Variants in FGF13 observed in about 807,000 individuals in gnomAD.
The protein encoded by FGF13 is fibroblast growth factor 13.
Under a neutral mutation model 19.5 loss-of-function variants are expected in FGF13, and 2 were observed. That is an observed-to-expected ratio of 0.10 (90% CI 0.04 to 0.32). The LOEUF (loss-of-function observed/expected upper bound fraction) is 0.32, where lower values mean the gene tolerates loss of function less well. Among genes scored for constraint, FGF13 ranks in the 10% least tolerant of loss-of-function variants. FGF13 has a pLI of 1.00. For synonymous variants in FGF13, 72 were observed against 76.9 expected (o/e 0.94, Z 0.33); for missense variants, 113 against 192.7 (o/e 0.59, Z 2.45).
At position 138,857,733 on chromosome X, in the gene FGF13, G is replaced by A. The variant is rs1046109518; in HGVS notation, c.-38-54C>T. ...CAAGTTAGAGCCTCAGAAAAGCAGC[G>A]AATGTCTTAAATCAAATATACTCCC... On this transcript the variant is annotated intron_variant, in intron 2 of 2. Transcript: ENST00000421460. The A allele has an allele frequency of 1.1e-5, 11 of 990,886 alleles. No homozygotes were observed. In the Admixed American group the frequency reaches 1.9e-4, roughly 17 times the overall value. 81.7% of individuals were successfully genotyped at this position (990,886 alleles called of 1,213,427 possible).
At chrX:139,140,919 A>G (rs892851945) in intron 1 of FGF13, among the ~76,000 whole-genome samples, 1 of 109,737 alleles carries the variant, frequency 9.1e-6, no homozygotes, top group African/African-American at 3.3e-5. Flanking sequence ...CCTTTCTCCT[A>G]AGGGCCTTGT....
intron 1 of FGF13, among the ~76,000 whole-genome samples, chrX:138,876,130 C>A (rs2091388105): frequency 9.0e-6 from 1 of 111,472 alleles, no homozygotes; most frequent in Non-Finnish European, 1.9e-5. Flanking sequence ...ATTTCTTTTA[C>A]CAAGTTTGAC....
chrX:138,815,663 C>A (rs2090956637), intron 3 of FGF13, among the ~76,000 whole-genome samples: 1 of 109,901 alleles, frequency 9.1e-6, no homozygotes, highest in African/African-American at 3.3e-5. Context: ...ACAATGGACA[C>A]CATTTAGGAA....
intron 1 of FGF13, among the ~76,000 whole-genome samples, chrX:139,125,340 C>T (rs1389119456): frequency 2.7e-5 from 3 of 112,118 alleles, no homozygotes; most frequent in East Asian, 2.8e-4. Flanking sequence ...AATAAAAAGA[C>T]GTTCAGCTCT....
At chrX:138,957,173 T>C (rs997720540) in intron 1 of FGF13, among the ~76,000 whole-genome samples, 5 of 111,864 alleles carry the variant, frequency 4.5e-5, no homozygotes, top group Middle Eastern at 4.6e-3. Context: ...ACACAGTCTC[T>C]TCAAACAGGA....
At chrX:138,904,070 T>A (rs750933056) in intron 1 of FGF13, among the ~76,000 whole-genome samples, 1 of 112,103 alleles carries the variant, frequency 8.9e-6, no homozygotes, top group Non-Finnish European at 1.9e-5. Flanking sequence ...GCAGATATGA[T>A]TGTTCTGCCT....
At chrX:139,133,335 G>T (rs2083774278) in intron 1 of FGF13, among the ~76,000 whole-genome samples, 2 of 98,382 alleles carry the variant, frequency 2.0e-5, no homozygotes, top group African/African-American at 7.7e-5. Flanking sequence ...ACTCAAGCTG[G>T]GACCACGTGA....
At chrX:139,052,385 T>C (rs2092305410) in intron 1 of FGF13, among the ~76,000 whole-genome samples, 3 of 112,486 alleles carry the variant, frequency 2.7e-5, no homozygotes, top group South Asian at 3.7e-4. Flanking sequence ...AATTTAACCA[T>C]GTCACTGCAG....
At chrX:138,994,623 G>A (rs999753388) in intron 1 of FGF13, among the ~76,000 whole-genome samples, 1 of 111,029 alleles carries the variant, frequency 9.0e-6, no homozygotes, top group Non-Finnish European at 1.9e-5. Flanking sequence ...TATAGTGTGT[G>A]TTTTCATTTA....
At chrX:139,084,627 C>T (rs1375747794) in intron 1 of FGF13, among the ~76,000 whole-genome samples, 1 of 108,170 alleles carries the variant, frequency 9.2e-6, no homozygotes, top group African/African-American at 3.6e-5. Context: ...GCCAAAATTA[C>T]TTCAGTCCAT....
chrX:139,157,518 T>A, intron 1 of FGF13, among the ~76,000 whole-genome samples: 1 of 112,427 alleles, frequency 8.9e-6, no homozygotes, highest in Admixed American at 9.4e-5. Flanking sequence ...AGCTCTCTTG[T>A]TCTTCCCTTC....
intron 1 of FGF13, among the ~76,000 whole-genome samples, chrX:138,987,604 G>T (rs1487400057): frequency 8.9e-6 from 1 of 112,148 alleles, no homozygotes; most frequent in Non-Finnish European, 1.9e-5. Context: ...TCAGATAGTA[G>T]ATAAAGTTCT....
At chrX:139,033,050 A>AAAAC (rs2092235608) in intron 1 of FGF13, among the ~76,000 whole-genome samples, 1 of 98,978 alleles carries the variant, frequency 1.0e-5, no homozygotes, top group African/African-American at 3.8e-5. Context: ...AAAAAAAAAA[A>AAAAC]AAAAACTACA....
chrX:138,683,928 G>C (rs926897466), intron 3 of FGF13, among the ~76,000 whole-genome samples: 16 of 111,334 alleles, frequency 1.4e-4, no homozygotes, highest in African/African-American at 4.2e-4. Context: ...ATGAAAGGCA[G>C]AGGAAAATAA....
intron 1 of FGF13, among the ~76,000 whole-genome samples, chrX:138,870,417 G>C (rs949806927): frequency 8.9e-6 from 1 of 111,950 alleles, no homozygotes; most frequent in Non-Finnish European, 1.9e-5. Flanking sequence ...TCAAGATGAA[G>C]AGCTGATTCA....
At chrX:138,857,717 G>A (rs776411072) in intron 2 of FGF13, 2 of 1,069,451 alleles carry the variant, frequency 1.9e-6, no homozygotes, top group Admixed American at 6.3e-5. Flanking sequence ...TCAAGTTAGA[G>A]CCTCAGAAAA....
At chrX:138,846,206 T>C (rs1036868918) in intron 3 of FGF13, among the ~76,000 whole-genome samples, 7 of 109,590 alleles carry the variant, frequency 6.4e-5, no homozygotes, top group African/African-American at 2.0e-4. Flanking sequence ...TGTGTGTGTG[T>C]GTGTGTGTGT....
At chrX:138,837,717 G>A (rs1368503882) in intron 3 of FGF13, among the ~76,000 whole-genome samples, 1 of 111,769 alleles carries the variant, frequency 8.9e-6, no homozygotes, top group Non-Finnish European at 1.9e-5. Flanking sequence ...GTCTGACCAT[G>A]CTTTTGTAGA....
At chrX:138,923,566 A>G (rs377542925) in intron 1 of FGF13, among the ~76,000 whole-genome samples, 2 of 111,778 alleles carry the variant, frequency 1.8e-5, no homozygotes, top group African/African-American at 6.5e-5. Flanking sequence ...GAATGAATGC[A>G]GGCCTTCTTT....
Sources: allele counts gnomAD v4.1 joint callset (sites outside exome capture counted in the v4.1 genomes callset), GRCh38; gene constraint gnomAD v4.1.1; transcripts MANE v1.5; gene names NCBI Gene and HGNC (gene_info 2026-07-23, HGNC 2026-07-21).